Variants in AGBL1 observed in about 807,000 individuals in gnomAD.
The protein encoded by AGBL1 is AGBL carboxypeptidase 1.
Under a neutral mutation model 118.9 loss-of-function variants are expected in AGBL1, and 130 were observed. The ratio of observed to expected loss-of-function variants is 1.09; its 90% CI spans 0.95 to 1.26. The LOEUF (loss-of-function observed/expected upper bound fraction) is 1.26, where lower values mean the gene tolerates loss of function less well. Among genes scored for constraint, AGBL1 ranks in the 50% most tolerant of loss-of-function variants. The pLI is 0.00. For missense variants in AGBL1, 1,584 were observed against 1,298.1 expected, an observed-to-expected ratio of 1.22 and a Z score of -3.38; for synonymous variants, 555 against 478.9, an observed-to-expected ratio of 1.16 and a Z score of -2.08.
At chr15:86,520,420 G>T (rs1203053019) in intron 18 of AGBL1, among the ~76,000 whole-genome samples, 1 of 152,168 alleles carries the variant, frequency 6.6e-6, no homozygotes, top group South Asian at 2.1e-4. Flanking sequence ...GTAGCAGCTT[G>T]GAGTTGGAAC....
At chr15:86,978,422 A>G (rs984565541) in intron 23 of AGBL1, among the ~76,000 whole-genome samples, 2 of 152,232 alleles carry the variant, frequency 1.3e-5, no homozygotes, top group African/African-American at 4.8e-5. Context: ...TTAGCAACGA[A>G]GATTTAGACA....
chr15:86,191,934 A>G (rs2077729149), intron 5 of AGBL1, among the ~76,000 whole-genome samples: 1 of 151,020 alleles, frequency 6.6e-6, no homozygotes, highest in African/African-American at 2.4e-5. Flanking sequence ...AAACCAAAAA[A>G]CACAAAAAAC....
Position 86,817,293 on chromosome 15 carries a change from G to GAA in AGBL1, c.3159-89778_3159-89777dup, listed in dbSNP as rs71144068. On this transcript the variant is annotated intron_variant, in intron 22 of 22. Transcript: ENST00000614907. ...GGATACAAGAACAAAACTCCATCTG[G>GAA]AAAAAAAAAAAAAAAAACCACCAAA... 2.6e-3 allele frequency among the ~76,000 whole-genome samples: 329 copies of GAA among 127,552 alleles called. 1 individual carries two copies. The highest frequency in any genetic ancestry group is 5.0e-3 in the African/African-American group (171 of 34,264). 83.7% of individuals were successfully genotyped at this position (127,552 alleles called of 152,430 possible).
intron 18 of AGBL1, among the ~76,000 whole-genome samples, chr15:86,446,724 A>G (rs982913371): frequency 2.0e-5 from 3 of 152,216 alleles, no homozygotes; most frequent in African/African-American, 7.2e-5. Context: ...AATCTGTGTT[A>G]GTAACTCTGA....
At chr15:86,416,889 A>T (rs922922142) in intron 18 of AGBL1, among the ~76,000 whole-genome samples, 2 of 152,238 alleles carry the variant, frequency 1.3e-5, no homozygotes, top group African/African-American at 4.8e-5. Flanking sequence ...GGCATAGATA[A>T]GATCAAGTCA....
chr15:86,302,447 A>T (rs2079764546), intron 17 of AGBL1, among the ~76,000 whole-genome samples: 1 of 152,060 alleles, frequency 6.6e-6, no homozygotes, highest in Admixed American at 6.6e-5. Flanking sequence ...AACATAGCAT[A>T]TGCAGAAGCA....
At chr15:86,393,504 A>G (rs974759504) in intron 17 of AGBL1, among the ~76,000 whole-genome samples, 1 of 152,194 alleles carries the variant, frequency 6.6e-6, no homozygotes, top group Non-Finnish European at 1.5e-5. Context: ...AAAATAGGAT[A>G]CTGGTTGGGT....
chr15:86,420,910 A>G (rs1244995363), intron 18 of AGBL1, among the ~76,000 whole-genome samples: 1 of 152,226 alleles, frequency 6.6e-6, no homozygotes, highest in Non-Finnish European at 1.5e-5. Context: ...TGATTAGAGA[A>G]AAAAGAATGA....
chr15:86,390,693 G>A (rs1393707632), intron 17 of AGBL1, among the ~76,000 whole-genome samples: 1 of 75,340 alleles, frequency 1.3e-5, no homozygotes, highest in Non-Finnish European at 2.3e-5. Flanking sequence ...TTTTGAGACA[G>A]AGTTTTGCTC....
chr15:86,326,127 C>A (rs2080179493), intron 17 of AGBL1, among the ~76,000 whole-genome samples: 1 of 152,134 alleles, frequency 6.6e-6, no homozygotes, highest in South Asian at 2.1e-4. Context: ...TCTCCATCAA[C>A]AAGTAGTTGA....
intron 1 of AGBL1, among the ~76,000 whole-genome samples, chr15:86,121,822 A>G (rs1898110872): frequency 6.6e-6 from 1 of 152,162 alleles, no homozygotes; most frequent in Non-Finnish European, 1.5e-5. Flanking sequence ...TGACAGATGA[A>G]TTTTCGTTCC....
intron 6 of AGBL1, among the ~76,000 whole-genome samples, chr15:86,242,132 C>T (rs1017151591): frequency 1.3e-5 from 2 of 152,112 alleles, no homozygotes; most frequent in Non-Finnish European, 2.9e-5. Flanking sequence ...GTGAGGCCTC[C>T]CCAGCCTCAC....
At chr15:86,619,576 CTGCTGGTCAGTGCAGT>C (rs1281229953) in intron 21 of AGBL1, among the ~76,000 whole-genome samples, 5 of 152,146 alleles carry the variant, frequency 3.3e-5, no homozygotes, top group African/African-American at 7.2e-5. Flanking sequence ...TAATTAGACG[CTGCTGGTCAGTGCAGT>C]CCTATGAGAT....
chr15:87,020,173 T>C (rs2081650056), intron 24 of AGBL1, among the ~76,000 whole-genome samples: 1 of 152,184 alleles, frequency 6.6e-6, no homozygotes, highest in Non-Finnish European at 1.5e-5. Context: ...AGCTGAATTC[T>C]ACCAGAGGTA....
At chr15:86,247,155 A>G (rs74025045) in intron 6 of AGBL1, among the ~76,000 whole-genome samples, 1,658 of 152,342 alleles carry the variant, frequency 0.011, 34 homozygotes, top group African/African-American at 0.038. Context: ...ATCTTATTCA[A>G]ATTTGACCAG....
chr15:86,608,139 G>A (rs1212883498), intron 21 of AGBL1, among the ~76,000 whole-genome samples: 3 of 152,128 alleles, frequency 2.0e-5, no homozygotes, highest in Non-Finnish European at 2.9e-5. Flanking sequence ...AATCCTGCTA[G>A]TATGTGGATA....
chr15:86,704,638 T>A (rs888419938), intron 22 of AGBL1, among the ~76,000 whole-genome samples: 3 of 152,108 alleles, frequency 2.0e-5, no homozygotes, highest in Non-Finnish European at 4.4e-5. Flanking sequence ...AAACAACAGA[T>A]GCTGGTAGGC....
At chr15:86,638,919 A>C (rs1453598410) in intron 21 of AGBL1, among the ~76,000 whole-genome samples, 2 of 152,082 alleles carry the variant, frequency 1.3e-5, no homozygotes, top group African/African-American at 4.8e-5. Flanking sequence ...TCAGGTTTCA[A>C]CTTGGTAGCA....
chr15:86,128,820 C>A (rs2076782317), intron 1 of AGBL1, among the ~76,000 whole-genome samples: 1 of 152,022 alleles, frequency 6.6e-6, no homozygotes, highest in African/African-American at 2.4e-5. Context: ...TTAATCTTAC[C>A]ATACCTGAAA....
Sources: allele counts gnomAD v4.1 joint callset (sites outside exome capture counted in the v4.1 genomes callset), GRCh38; gene constraint gnomAD v4.1.1; transcripts MANE v1.5; gene names NCBI Gene and HGNC (gene_info 2026-07-23, HGNC 2026-07-21).